Variants in STK31 observed in about 807,000 individuals in gnomAD.
STK31 encodes the protein serine/threonine-protein kinase 31.
In STK31, 89 loss-of-function variants were observed where a neutral mutation model predicts 129.7. The ratio of observed to expected loss-of-function variants is 0.69; its 90% CI spans 0.58 to 0.82. The LOEUF (loss-of-function observed/expected upper bound fraction) is 0.82. Ranked by LOEUF, STK31 falls within the 40% of genes least tolerant of loss-of-function variation. The probability of loss-of-function intolerance (pLI) is 0.00; values close to 1 mark genes in which losing one functional copy is unlikely to be tolerated. For missense variants in STK31, 1,187 were observed against 1,176.4 expected, an observed-to-expected ratio of 1.01 and a Z score of -0.13; for synonymous variants, 448 against 395.3, an observed-to-expected ratio of 1.13 and a Z score of -1.58.
intron 22 of STK31, among the ~76,000 whole-genome samples, chr7:23,810,698 A>G (rs1793045169): frequency 1.1e-5 from 1 of 90,138 alleles, no homozygotes; most frequent in South Asian, 2.8e-4. Context: ...TATATATAAA[A>G]TAGATATATA....
intron 22 of STK31, among the ~76,000 whole-genome samples, chr7:23,803,570 T>C (rs1562617115): frequency 1.3e-5 from 2 of 152,198 alleles, no homozygotes; most frequent in Non-Finnish European, 2.9e-5. Context: ...CCTTCAGTAA[T>C]AAACCATATC....
At chr7:23,828,041 A>G (rs2128133386) in intron 23 of STK31, among the ~76,000 whole-genome samples, 1 of 152,334 alleles carries the variant, frequency 6.6e-6, no homozygotes, top group East Asian at 1.9e-4. Flanking sequence ...CTCGGGAGTC[A>G]GGGACCCACT....
At chr7:23,800,510 C>G (rs1449077376) in intron 22 of STK31, among the ~76,000 whole-genome samples, 1 of 151,972 alleles carries the variant, frequency 6.6e-6, no homozygotes, top group African/African-American at 2.4e-5. Flanking sequence ...CATGTTCTCA[C>G]TCATAAGTGA....
intron 3 of STK31, among the ~76,000 whole-genome samples, chr7:23,716,797 CT>C (rs34047442): frequency 0.5 from 61,416 of 123,048 alleles, 14,812 homozygotes; most frequent in African/African-American, 0.6. Flanking sequence ...TTTTTGAGCA[CT>C]TTTTTTTTTT....
intron 8 of STK31, among the ~76,000 whole-genome samples, chr7:23,748,719 T>C (rs1468175960): frequency 1.3e-5 from 2 of 152,242 alleles, no homozygotes; most frequent in East Asian, 3.8e-4. Flanking sequence ...ACATTTTCTT[T>C]TTTTTGGCTT....
At chr7:23,742,436 C>G (rs1788102773) in intron 8 of STK31, among the ~76,000 whole-genome samples, 1 of 152,168 alleles carries the variant, frequency 6.6e-6, no homozygotes, top group Non-Finnish European at 1.5e-5. Flanking sequence ...TAAAGTGGCT[C>G]CCTGCTGAGG....
At chr7:23,816,535 G>A (rs4722278) in intron 23 of STK31, among the ~76,000 whole-genome samples, 66,277 of 152,020 alleles carry the variant, frequency 0.44, 14,833 homozygotes, top group Admixed American at 0.52. Flanking sequence ...CTCGATTGGA[G>A]ATGAATATGC....
intron 22 of STK31, among the ~76,000 whole-genome samples, chr7:23,793,712 A>T: frequency 6.6e-6 from 1 of 152,326 alleles, no homozygotes; most frequent in South Asian, 2.1e-4. Flanking sequence ...ACTATAATGT[A>T]TAAAATTAAA....
chr7:23,803,641 C>G (rs1377006756), intron 22 of STK31, among the ~76,000 whole-genome samples: 1 of 152,094 alleles, frequency 6.6e-6, no homozygotes, highest in Non-Finnish European at 1.5e-5. Context: ...TATAGATAAA[C>G]TCGTGCCACA....
chr7:23,717,147 A>G lies in STK31; in HGVS notation c.151-334A>G, dbSNP rs1198429593. Reference sequence around the variant, plus strand: ...TTTTAGCATTTCTTTACTTTCTGGCACCATCAAATGTCCCAGGATCATCTT... The same window carrying G: ...TTTTAGCATTTCTTTACTTTCTGGCGCCATCAAATGTCCCAGGATCATCTT... On this transcript the variant is annotated intron_variant, in intron 3 of 23. Transcript: ENST00000355870. Among the ~76,000 whole-genome samples the G allele has an allele frequency of 1.2e-4, 11 of 91,146 alleles. No homozygotes were observed. In the East Asian group the frequency reaches 2.5e-3, roughly 21 times the overall value. 59.8% of individuals were successfully genotyped at this position (91,146 alleles called of 152,430 possible).
chr7:23,727,176 C>G, intron 4 of STK31, 65 bp from the exon 5 acceptor site: 1 of 1,348,340 alleles, frequency 7.4e-7, no homozygotes, highest in South Asian at 1.2e-5. Flanking sequence ...AAATGCTAAC[C>G]TTTATTCTGA....
At chr7:23,799,452 C>G (rs531453323) in intron 22 of STK31, among the ~76,000 whole-genome samples, 30 of 152,226 alleles carry the variant, frequency 2.0e-4, no homozygotes, top group Non-Finnish European at 4.1e-4. Flanking sequence ...GTATCTACAA[C>G]CATCTGATCT....
intron 6 of STK31, among the ~76,000 whole-genome samples, chr7:23,730,800 G>A (rs1410521932): frequency 6.9e-6 from 1 of 144,672 alleles, no homozygotes; most frequent in East Asian, 2.0e-4. Flanking sequence ...AACTGCAGCT[G>A]AGAATGTTTT....
At chr7:23,716,925 G>A (rs1038886981) in intron 3 of STK31, among the ~76,000 whole-genome samples, 1 of 149,728 alleles carries the variant, frequency 6.7e-6, no homozygotes, top group Non-Finnish European at 1.5e-5. Context: ...TTCCTGTGTA[G>A]TTGGAACTAT....
At chr7:23,792,326 A>G (rs1791669896) in intron 22 of STK31, among the ~76,000 whole-genome samples, 1 of 152,202 alleles carries the variant, frequency 6.6e-6, no homozygotes, top group African/African-American at 2.4e-5. Flanking sequence ...TTATATAAGC[A>G]ACAAATAATA....
At chr7:23,771,859 T>A (rs1790218800) in intron 14 of STK31, 1 of 177,948 alleles carries the variant, frequency 5.6e-6, no homozygotes. Flanking sequence ...TCACTAGAAA[T>A]TCCTTTTTCA....
rs758926539 is a variant in STK31, at chr7:23,752,849, T to A, written c.1133+17T>A. 18 of 1,500,458 alleles carry A rather than the reference T, an allele frequency of 1.2e-5. No individual in the cohort carries two copies. Among genetic ancestry groups the A allele is most frequent in the Non-Finnish European group, 1.5e-5 (16 of 1,085,416 alleles). 92.9% of individuals were successfully genotyped at this position (1,500,458 alleles called of 1,614,324 possible). Reference sequence around the variant, plus strand: ...AGAAATGAGGTAGGTAAAAGCATATTTTTCAGAAGGATATTTTAAACTAAT... The same window carrying A: ...AGAAATGAGGTAGGTAAAAGCATATATTTCAGAAGGATATTTTAAACTAAT... On this transcript the variant is annotated intron_variant, in intron 9 of 23. Coordinates refer to ENST00000355870, the MANE Select transcript of STK31 (RefSeq NM_031414.5).
chr7:23,754,666 C>G (rs912133290), intron 10 of STK31, among the ~76,000 whole-genome samples, 192 bp downstream of exon 10: 1 of 152,110 alleles, frequency 6.6e-6, no homozygotes, highest in African/African-American at 2.4e-5. Flanking sequence ...CATTTCCTAA[C>G]GAGCCCTGGT....
chr7:23,818,564 G>A (rs988767645), intron 23 of STK31, among the ~76,000 whole-genome samples: 1 of 151,880 alleles, frequency 6.6e-6, no homozygotes, highest in Non-Finnish European at 1.5e-5. Flanking sequence ...AGACTTTATA[G>A]TAGCTTTTTA....
Sources: gnomAD v4.1 joint callset for allele counts (sites outside exome capture counted in the v4.1 genomes callset) on GRCh38, gnomAD v4.1.1 for gene constraint, MANE v1.5 for transcripts, NCBI Gene and HGNC (gene_info 2026-07-23, HGNC 2026-07-21) for gene names.